The following CMSS1 variants were observed in gnomAD, a reference collection of about 807,000 sequenced individuals.
CMSS1 encodes cms1 ribosomal small subunit homolog.
CMSS1 carries 33 observed loss-of-function variants against 43.5 expected under a neutral mutation model. The observed-to-expected ratio is 0.76, with a 90% confidence interval of 0.57 to 1.01. The LOEUF (loss-of-function observed/expected upper bound fraction) is 1.01. CMSS1 is among the 50% of genes least tolerant of loss of function. The probability of loss-of-function intolerance (pLI) is 0.00; values close to 1 mark genes in which losing one functional copy is unlikely to be tolerated. For synonymous variants in CMSS1, 115 were observed against 117.2 expected, an observed-to-expected ratio of 0.98 and a Z score of 0.12; for missense variants, 313 against 326.4, an observed-to-expected ratio of 0.96 and a Z score of 0.32.
At chr3:99,848,462 G>C (rs1316710005) in intron 1 of CMSS1, 1 of 1,614,184 alleles carries the variant, frequency 6.2e-7, no homozygotes, top group South Asian at 1.1e-5. Context: ...GCTACAGCTT[G>C]CATGTAAGGA....
chr3:99,830,793 G>A (rs1371057865), intron 1 of CMSS1, among the ~76,000 whole-genome samples: 2 of 152,200 alleles, frequency 1.3e-5, no homozygotes, highest in Non-Finnish European at 1.5e-5. Flanking sequence ...TGTGTTGAAT[G>A]TGTGCTGTGT....
intron 1 of CMSS1, among the ~76,000 whole-genome samples, chr3:100,017,827 C>T (rs1259002634): frequency 6.6e-6 from 1 of 152,170 alleles, no homozygotes; most frequent in Non-Finnish European, 1.5e-5. Flanking sequence ...TTCAGGTCTT[C>T]AGATCCAGAC....
At chr3:99,910,884 C>CA (rs1309404108) in intron 1 of CMSS1, among the ~76,000 whole-genome samples, 1 of 152,142 alleles carries the variant, frequency 6.6e-6, no homozygotes, top group African/African-American at 2.4e-5. Context: ...TGGCCAAAGG[C>CA]AGTTATATTC....
intron 1 of CMSS1, among the ~76,000 whole-genome samples, chr3:99,843,691 C>T (rs964328990): frequency 3.3e-5 from 5 of 152,116 alleles, no homozygotes; most frequent in African/African-American, 9.7e-5. Context: ...TACAATTGGG[C>T]AAAATTGTCT....
chr3:99,968,419 GTT>G lies in CMSS1; in HGVS notation c.64+150380_64+150381del, dbSNP rs1288354671. 2.7e-5 allele frequency among the ~76,000 whole-genome samples: 4 copies of G among 147,468 alleles called. No homozygotes were observed. The East Asian group carries it at 7.9e-4, about 29-fold the overall frequency. Reference sequence around the variant, plus strand: ...TATGAAGTAGGTCCTGAAAAACTATGTTTTTGGGGGAAAAAAAAAAAAAAGAC... The same window carrying G: ...TATGAAGTAGGTCCTGAAAAACTATGTTTGGGGGAAAAAAAAAAAAAAGAC... On this transcript the variant is annotated intron_variant, in intron 1 of 9. Coordinates refer to ENST00000421999, the MANE Select transcript of CMSS1 (RefSeq NM_032359.4).
chr3:100,096,669 A>T (rs910946955), intron 1 of CMSS1, among the ~76,000 whole-genome samples: 1 of 151,490 alleles, frequency 6.6e-6, no homozygotes, highest in Admixed American at 6.6e-5. Flanking sequence ...ACAAAAAAAA[A>T]AAAGAAAGAA....
chr3:99,854,119 C>T (rs1943841254), intron 1 of CMSS1, among the ~76,000 whole-genome samples: 1 of 152,076 alleles, frequency 6.6e-6, no homozygotes, highest in African/African-American at 2.4e-5. Flanking sequence ...TATCCAGGAG[C>T]ATTTGAAGGT....
intron 1 of CMSS1, among the ~76,000 whole-genome samples, chr3:99,864,050 G>A (rs527359943): frequency 6.6e-6 from 1 of 152,106 alleles, no homozygotes; most frequent in African/African-American, 2.4e-5. Context: ...AAACTTTGTA[G>A]GATCTATTTT....
intron 1 of CMSS1, among the ~76,000 whole-genome samples, chr3:99,834,863 A>T (rs1216777597): frequency 6.6e-6 from 1 of 151,976 alleles, no homozygotes; most frequent in Non-Finnish European, 1.5e-5. Context: ...ACCCATGTAA[A>T]CCTCAGTTTC....
intron 1 of CMSS1, among the ~76,000 whole-genome samples, chr3:100,138,361 G>A (rs1447886008): frequency 6.6e-6 from 1 of 152,118 alleles, no homozygotes; most frequent in Non-Finnish European, 1.5e-5. Flanking sequence ...TTAAACTAAA[G>A]AGCTTCTGCA....
In CMSS1 at chr3:99,904,323, G is replaced by T. The variant is rs113457952; in HGVS notation, c.64+86280G>T. On this transcript the variant is annotated intron_variant, in intron 1 of 9. Transcript: ENST00000421999. Reference sequence around the variant, plus strand: ...TGGAAGAGATCTTTCAGTAGGGAGAGAAAACATTGCTATCCAATCAAGTAT... The same window carrying T: ...TGGAAGAGATCTTTCAGTAGGGAGATAAAACATTGCTATCCAATCAAGTAT... Among the ~76,000 whole-genome samples, 1,379 of 152,322 alleles carry T rather than the reference G, an allele frequency of 9.1e-3. 24 individuals are homozygous for T. Among genetic ancestry groups the T allele is most frequent in the African/African-American group, 0.031 (1,309 of 41,560 alleles).
intron 1 of CMSS1, among the ~76,000 whole-genome samples, chr3:99,995,191 T>C (rs1315851821): frequency 1.3e-5 from 2 of 152,120 alleles, no homozygotes; most frequent in Non-Finnish European, 2.9e-5. Flanking sequence ...GGTACAGGTA[T>C]TGGGTAAATA....
chr3:100,094,567 T>C (rs1271599364), intron 1 of CMSS1, among the ~76,000 whole-genome samples: 12 of 152,034 alleles, frequency 7.9e-5, no homozygotes, highest in Admixed American at 7.9e-4. Context: ...TTTAGCTTCA[T>C]GATCCATTTT....
At chr3:99,952,458 G>A (rs993605648) in intron 1 of CMSS1, among the ~76,000 whole-genome samples, 1 of 152,168 alleles carries the variant, frequency 6.6e-6, no homozygotes, top group Non-Finnish European at 1.5e-5. Flanking sequence ...CCAACTCTGA[G>A]AACCAGTGTA....
intron 1 of CMSS1, among the ~76,000 whole-genome samples, chr3:100,058,597 A>G (rs1312532752): frequency 3.3e-5 from 5 of 152,198 alleles, no homozygotes; most frequent in Admixed American, 1.3e-4. Context: ...CTTGGTGGAC[A>G]AAGAGAAAAG....
chr3:100,021,954 TGTGTGTGA>T (rs1418074306), intron 1 of CMSS1, among the ~76,000 whole-genome samples: 77 of 114,398 alleles, frequency 6.7e-4, no homozygotes, highest in East Asian at 1.5e-3. Context: ...TGTGTGTGTG[TGTGTGTGA>T]GAGAGAGAGA....
rs560476971 is a variant in CMSS1, at chr3:100,152,445, T to C, written c.153+5384T>C. Among the ~76,000 whole-genome samples, 7 of 152,258 alleles carry C rather than the reference T, an allele frequency of 4.6e-5. No homozygotes were observed. The South Asian group carries it at 1.2e-3, about 27-fold the overall frequency. ...TCACACCCCTAATCTCTTCTCTACCTTGGGCCCTTGCTGAGAGAATATGAG... is the reference window on the plus strand; with the variant it reads ...TCACACCCCTAATCTCTTCTCTACCCTGGGCCCTTGCTGAGAGAATATGAG... On this transcript the variant is annotated intron_variant, in intron 2 of 9. Transcript: ENST00000421999.
chr3:100,135,221 G>A (rs897884018), intron 1 of CMSS1, among the ~76,000 whole-genome samples: 15 of 152,062 alleles, frequency 9.9e-5, no homozygotes, highest in African/African-American at 3.6e-4. Context: ...AACATCCATG[G>A]CTCTGTTCAT....
chr3:99,952,619 G>A (rs1026746722), intron 1 of CMSS1, among the ~76,000 whole-genome samples: 3 of 152,140 alleles, frequency 2.0e-5, no homozygotes, highest in Non-Finnish European at 2.9e-5. Flanking sequence ...ATAGATACAC[G>A]GCTTTTAAAC....
Sources: gnomAD v4.1 joint callset for allele counts (sites outside exome capture counted in the v4.1 genomes callset) on GRCh38, gnomAD v4.1.1 for gene constraint, MANE v1.5 for transcripts, NCBI Gene and HGNC (gene_info 2026-07-23, HGNC 2026-07-21) for gene names.